The following CDH12 variants were observed in gnomAD, a reference collection of about 807,000 sequenced individuals.
CDH12 encodes the protein cadherin 12.
In CDH12, 41 loss-of-function variants were observed where a neutral mutation model predicts 74.1. The observed-to-expected ratio is 0.55, with a 90% CI of 0.43 to 0.72. The LOEUF (loss-of-function observed/expected upper bound fraction) is 0.72, where lower values mean the gene tolerates loss of function less well. Ranked by LOEUF, CDH12 falls within the 30% of genes least tolerant of loss-of-function variation. The probability of loss-of-function intolerance (pLI) is 0.00; values close to 1 mark genes in which losing one functional copy is unlikely to be tolerated. For missense variants in CDH12, 945 were observed against 977.2 expected (o/e 0.97, Z 0.44); for synonymous variants, 399 against 355.0 (o/e 1.12, Z -1.39).
At chr5:22,096,321 C>T (rs937050965) in intron 4 of CDH12, among the ~76,000 whole-genome samples, 2 of 152,116 alleles carry the variant, frequency 1.3e-5, no homozygotes, top group Non-Finnish European at 2.9e-5. Context: ...GTCTGAGGTG[C>T]CTGATGTCCA....
intron 3 of CDH12, among the ~76,000 whole-genome samples, chr5:22,213,118 G>A (rs1341382230): frequency 6.6e-6 from 1 of 152,184 alleles, no homozygotes; most frequent in Non-Finnish European, 1.5e-5. Context: ...TTAAAGCGAT[G>A]TGATCAAAGA....
chr5:22,107,497 TA>T (rs1442147069), intron 4 of CDH12, among the ~76,000 whole-genome samples: 1 of 150,570 alleles, frequency 6.6e-6, no homozygotes, highest in Non-Finnish European at 1.5e-5. Flanking sequence ...TATATACACA[TA>T]TAATAATTAT....
chr5:22,457,303 G>A (rs1745317164), intron 2 of CDH12, among the ~76,000 whole-genome samples: 1 of 152,248 alleles, frequency 6.6e-6, no homozygotes, highest in Middle Eastern at 3.4e-3. Context: ...AAATCAAGGT[G>A]TCAGGTGGGC....
At chr5:22,308,719 T>C (rs924165431) in intron 3 of CDH12, among the ~76,000 whole-genome samples, 3 of 152,038 alleles carry the variant, frequency 2.0e-5, no homozygotes, top group Admixed American at 6.6e-5. Flanking sequence ...ATATTCCATG[T>C]ATCATTCACA....
At chr5:22,398,427 A>G (rs1742559157) in intron 3 of CDH12, among the ~76,000 whole-genome samples, 1 of 152,138 alleles carries the variant, frequency 6.6e-6, no homozygotes, top group Non-Finnish European at 1.5e-5. Flanking sequence ...AACACAAATA[A>G]GAGAGTTGGG....
At chr5:21,817,171 A>G (rs1218090540) in intron 8 of CDH12, 39 bp from the exon 9 acceptor site, 1 of 1,368,326 alleles carries the variant, frequency 7.3e-7, no homozygotes. Context: ...CAGTGGGGTT[A>G]GTAAGAGATA....
At chr5:22,683,276 G>A (rs1741590014) in intron 1 of CDH12, among the ~76,000 whole-genome samples, 1 of 152,158 alleles carries the variant, frequency 6.6e-6, no homozygotes, top group Non-Finnish European at 1.5e-5. Flanking sequence ...CCCACATAAT[G>A]GATCTTGCCT....
chr5:22,196,892 G>T (rs1268498187), intron 4 of CDH12, among the ~76,000 whole-genome samples: 1 of 151,938 alleles, frequency 6.6e-6, no homozygotes. Context: ...ATTCAGAGTG[G>T]GTCAGTCGAA....
At chr5:22,300,719 G>T (rs1457721531) in intron 3 of CDH12, among the ~76,000 whole-genome samples, 1 of 152,178 alleles carries the variant, frequency 6.6e-6, no homozygotes, top group African/African-American at 2.4e-5. Flanking sequence ...TTTGGATTTA[G>T]TGTGTGTAAT....
At chr5:22,622,936 ACC>A (rs1429430364) in intron 1 of CDH12, among the ~76,000 whole-genome samples, 1 of 152,176 alleles carries the variant, frequency 6.6e-6, no homozygotes, top group African/African-American at 2.4e-5. Flanking sequence ...ATACTGGCAA[ACC>A]AAATCCAGCA....
chr5:22,612,936 G>T (rs1166246142), intron 1 of CDH12, among the ~76,000 whole-genome samples: 1 of 152,210 alleles, frequency 6.6e-6, no homozygotes, highest in Middle Eastern at 3.4e-3. Flanking sequence ...TGGAAGAAGT[G>T]AAATTTGAAA....
At chr5:22,753,273 T>G (rs1483810594) in intron 1 of CDH12, among the ~76,000 whole-genome samples, 1 of 151,582 alleles carries the variant, frequency 6.6e-6, no homozygotes, top group Non-Finnish European at 1.5e-5. Context: ...CTGTCTCTAT[T>G]AAAAATACAA....
At chr5:22,489,352 C>T (rs998517217) in intron 2 of CDH12, among the ~76,000 whole-genome samples, 7 of 151,802 alleles carry the variant, frequency 4.6e-5, no homozygotes, top group South Asian at 2.1e-4. Context: ...CCACCACGCC[C>T]GGACAGTTTT....
chr5:21,900,177 T>C (rs941742593), intron 6 of CDH12, among the ~76,000 whole-genome samples: 2 of 152,176 alleles, frequency 1.3e-5, no homozygotes, highest in African/African-American at 4.8e-5. Flanking sequence ...AAAGTATACA[T>C]TCATGAATCC....
intron 3 of CDH12, among the ~76,000 whole-genome samples, chr5:22,256,926 A>T (rs914612702): frequency 2.0e-5 from 3 of 152,204 alleles, no homozygotes; most frequent in Non-Finnish European, 4.4e-5. Context: ...ATCAATCTAA[A>T]TGACCATCAA....
At chr5:22,614,496 G>GT (rs1430592069) in intron 1 of CDH12, among the ~76,000 whole-genome samples, 2 of 33,012 alleles carry the variant, frequency 6.1e-5, no homozygotes, top group Admixed American at 9.4e-4. Context: ...TGCAATGGTC[G>GT]TAAGGTGCTC....
intron 1 of CDH12, among the ~76,000 whole-genome samples, chr5:22,658,537 G>A (rs996196566): frequency 6.6e-6 from 1 of 151,888 alleles, no homozygotes; most frequent in Non-Finnish European, 1.5e-5. Context: ...TAGAAGAAGG[G>A]CTTTTATTCT....
chr5:22,386,692 AC>A (rs1396966760), intron 3 of CDH12, among the ~76,000 whole-genome samples: 1 of 152,068 alleles, frequency 6.6e-6, no homozygotes, highest in Non-Finnish European at 1.5e-5. Flanking sequence ...TTACAGAGTA[AC>A]TGAAATATGC....
chr5:22,766,677 C>T (rs1039057809), intron 1 of CDH12, among the ~76,000 whole-genome samples: 2 of 152,050 alleles, frequency 1.3e-5, no homozygotes, highest in Admixed American at 6.6e-5. Context: ...AACAGCAACT[C>T]AACAAGACTT....
Sources: allele counts gnomAD v4.1 joint callset (sites outside exome capture counted in the v4.1 genomes callset), GRCh38; gene constraint gnomAD v4.1.1; transcripts MANE v1.5; gene names NCBI Gene and HGNC (gene_info 2026-07-23, HGNC 2026-07-21).